The following TGFA variants were observed in gnomAD, a reference collection of about 807,000 sequenced individuals.
TGFA encodes the protein transforming growth factor alpha.
A neutral mutation model predicts 21.7 loss-of-function variants in TGFA; 12 were observed. That is an observed-to-expected ratio of 0.55 (90% CI 0.35 to 0.90). TGFA has a LOEUF of 0.90. Among genes scored for constraint, TGFA ranks in the 40% least tolerant of loss-of-function variants. The pLI, the probability that TGFA is intolerant of heterozygous loss-of-function variation, is 0.01. For missense variants in TGFA, 178 were observed against 210.8 expected (o/e 0.84, Z 0.96); for synonymous variants, 79 against 88.1 (o/e 0.90, Z 0.58).
Position 70,504,465 on chromosome 2 carries a change from CACACATACATACAT to C in TGFA, c.94+10380_94+10393del, listed in dbSNP as rs368096418. Among the ~76,000 whole-genome samples, 125 of 62,482 alleles carry C rather than the reference CACACATACATACAT, an allele frequency of 2.0e-3. 2 individuals carry two copies. The highest frequency in any genetic ancestry group is 5.7e-3 in the Admixed American group (37 of 6,514). The allele number at this position is 62,482 out of a possible 152,430, so 41.0% of individuals were successfully genotyped here. A position where few individuals can be genotyped will look rare whatever the true frequency, so the allele number is the denominator to read the frequency against. On this transcript the variant is annotated intron_variant, in intron 2 of 5. Transcript: ENST00000295400. ...ATATATATATATATATATATATATA[CACACATACATACAT>C]ACATACACACACACACACACACACA...
chr2:70,482,919 A>C (rs1553495966), intron 2 of TGFA, among the ~76,000 whole-genome samples: 2 of 152,170 alleles, frequency 1.3e-5, no homozygotes, highest in African/African-American at 4.8e-5. Context: ...ACATCAACAA[A>C]TGTTTTCTGA....
intron 1 of TGFA, among the ~76,000 whole-genome samples, chr2:70,537,371 T>C (rs887122704): frequency 1.3e-5 from 2 of 152,224 alleles, no homozygotes; most frequent in African/African-American, 4.8e-5. Context: ...GAGTGGCATG[T>C]CTCTCACTTT....
intron 1 of TGFA, 46 bp downstream of exon 1, chr2:70,553,682 G>A (rs1026208624): frequency 1.5e-6 from 2 of 1,338,696 alleles, no homozygotes; most frequent in Non-Finnish European, 1.9e-6. Context: ...ACCGGGGGAA[G>A]CAGGGTGTCG....
intron 1 of TGFA, among the ~76,000 whole-genome samples, chr2:70,532,389 T>C (rs1672837810): frequency 6.6e-6 from 1 of 152,166 alleles, no homozygotes; most frequent in Non-Finnish European, 1.5e-5. Flanking sequence ...TCATCTACTT[T>C]TGCTCTGCCC....
intron 1 of TGFA, chr2:70,553,049 C>A (rs2103967639): frequency 1.0e-6 from 1 of 961,744 alleles, no homozygotes; most frequent in Non-Finnish European, 1.5e-6. Context: ...TCCTTCATTT[C>A]CAAGGACATA....
At chr2:70,518,210 C>A (rs1263004736) in intron 1 of TGFA, among the ~76,000 whole-genome samples, 2 of 152,214 alleles carry the variant, frequency 1.3e-5, no homozygotes, top group Non-Finnish European at 2.9e-5. Flanking sequence ...TCTAGGAATC[C>A]CTTCTAGGCC....
At chr2:70,533,742 G>C (rs1672889925) in intron 1 of TGFA, among the ~76,000 whole-genome samples, 1 of 152,208 alleles carries the variant, frequency 6.6e-6, no homozygotes, top group Non-Finnish European at 1.5e-5. Flanking sequence ...GGGCCCTGCA[G>C]TAGATGTAAT....
intron 1 of TGFA, among the ~76,000 whole-genome samples, chr2:70,525,420 T>G (rs1553502851): frequency 6.6e-6 from 1 of 152,188 alleles, no homozygotes; most frequent in South Asian, 2.1e-4. Context: ...CCCTTAGGCA[T>G]GCTCACTTGA....
chr2:70,533,943 C>T (rs1251818998), intron 1 of TGFA, among the ~76,000 whole-genome samples: 3 of 151,720 alleles, frequency 2.0e-5, no homozygotes, highest in Non-Finnish European at 4.4e-5. Flanking sequence ...TAGCAATACA[C>T]TGTTTGCCAA....
At chr2:70,493,012 T>C (rs140708442) in intron 2 of TGFA, among the ~76,000 whole-genome samples, 1 of 152,358 alleles carries the variant, frequency 6.6e-6, no homozygotes, top group East Asian at 1.9e-4. Flanking sequence ...TATAGGCTCA[T>C]ATACAAATAT....
rs782811159 is a variant in TGFA, at chr2:70,553,788, A to AGGCTC, written c.-26_-22dup. ...ACCATTTTACGGGCGGGCGGGCAGC[A>AGGCTC]GGCTCTCCAGCCTCCTGCCCTACCT... On this transcript the variant is annotated 5_prime_UTR_variant, in exon 1 of 6. Coordinates refer to ENST00000295400, the MANE Select transcript of TGFA (RefSeq NM_003236.4). 5.2e-4 allele frequency: 663 copies of AGGCTC among 1,271,736 alleles called. No homozygotes were observed. The highest frequency in any genetic ancestry group is 8.8e-4 in the Admixed American group (22 of 25,038). 78.8% of individuals were successfully genotyped at this position (1,271,736 alleles called of 1,614,324 possible).
In TGFA at chr2:70,449,507, A is replaced by G. The variant is rs538118; in HGVS notation, c.*1352T>C. 0.34 allele frequency: 59,525 copies of G among 174,308 alleles called. 11,056 individuals are homozygous for G. The highest frequency in any genetic ancestry group is 0.51 in the Middle Eastern group (1,010 of 2,000). 10.8% of individuals were successfully genotyped at this position (174,308 alleles called of 1,614,324 possible). On this transcript the variant is annotated 3_prime_UTR_variant, in exon 6 of 6. Coordinates refer to ENST00000295400, the MANE Select transcript of TGFA (RefSeq NM_003236.4). ...CCACTGTTTCTCACAGGCAGGCCCC[A>G]TGGGTCAGATGGACCCAGATGCTCA... is the stretch of plus-strand genomic sequence containing the variant.
At chr2:70,456,997 G>C (rs1553490685) in intron 3 of TGFA, among the ~76,000 whole-genome samples, 1 of 152,160 alleles carries the variant, frequency 6.6e-6, no homozygotes, top group East Asian at 1.9e-4. Context: ...ATGACTACCT[G>C]GTCATTGTAG....
chr2:70,508,408 G>A (rs1466142429), intron 2 of TGFA, among the ~76,000 whole-genome samples: 1 of 152,154 alleles, frequency 6.6e-6, no homozygotes, highest in African/African-American at 2.4e-5. Flanking sequence ...TTGCACCATT[G>A]CACGCTAGCC....
chr2:70,500,050 G>A (rs1393244555), intron 2 of TGFA, among the ~76,000 whole-genome samples: 1 of 152,084 alleles, frequency 6.6e-6, no homozygotes, highest in Non-Finnish European at 1.5e-5. Flanking sequence ...AACATTTATC[G>A]ATAAGATATT....
intron 2 of TGFA, among the ~76,000 whole-genome samples, chr2:70,501,407 C>G (rs1356350314): frequency 6.6e-6 from 1 of 152,048 alleles, no homozygotes; most frequent in Non-Finnish European, 1.5e-5. Flanking sequence ...TCACCTTCAC[C>G]ACTGAGAAGA....
intron 1 of TGFA, chr2:70,553,220 C>A (rs1553507102): frequency 1.3e-6 from 2 of 1,536,190 alleles, no homozygotes; most frequent in Non-Finnish European, 1.7e-6. Context: ...AGATCGAGGG[C>A]GCCTCTGCCG....
chr2:70,518,927 T>C (rs1553501928), intron 1 of TGFA, among the ~76,000 whole-genome samples: 1 of 152,190 alleles, frequency 6.6e-6, no homozygotes, highest in Non-Finnish European at 1.5e-5. Flanking sequence ...ACCTTTCACC[T>C]GTTTGGGATC....
intron 1 of TGFA, among the ~76,000 whole-genome samples, chr2:70,521,505 G>A (rs934983982): frequency 3.3e-5 from 5 of 151,776 alleles, no homozygotes; most frequent in Non-Finnish European, 1.5e-5. Context: ...GGGTTGTTTA[G>A]AGATTAAACG....
Sources: allele counts gnomAD v4.1 joint callset (sites outside exome capture counted in the v4.1 genomes callset), GRCh38; gene constraint gnomAD v4.1.1; transcripts MANE v1.5; gene names NCBI Gene and HGNC (gene_info 2026-07-23, HGNC 2026-07-21).